The following KCNQ4 variants were observed in gnomAD, a reference collection of about 807,000 sequenced individuals.
The protein encoded by KCNQ4 is potassium voltage-gated channel subfamily KQT member 4.
In KCNQ4, 31 loss-of-function variants were observed where a neutral mutation model predicts 72.6. The ratio of observed to expected loss-of-function variants is 0.43; its 90% CI spans 0.32 to 0.58. The LOEUF is 0.58. Ranked by LOEUF, KCNQ4 falls within the 20% of genes least tolerant of loss-of-function variation. The pLI, the probability that KCNQ4 is intolerant of heterozygous loss-of-function variation, is 0.08. For missense variants in KCNQ4, 869 were observed against 962.6 expected (o/e 0.90, Z 1.29); for synonymous variants, 405 against 403.7 (o/e 1.00, Z -0.04).
At chr1:40,824,612 C>G (rs1004619961) in intron 9 of KCNQ4, among the ~76,000 whole-genome samples, 2 of 152,226 alleles carry the variant, frequency 1.3e-5, no homozygotes, top group African/African-American at 4.8e-5. Flanking sequence ...GGAAGCTGGA[C>G]AGAGGAGGAG....
At chr1:40,809,494 A>G (rs544392918) in intron 1 of KCNQ4, among the ~76,000 whole-genome samples, 137 of 152,206 alleles carry the variant, frequency 9.0e-4, no homozygotes, top group African/African-American at 3.2e-3. Context: ...TGGCACCTTC[A>G]TCCATCCAAT....
chr1:40,805,978 A>C (rs1026105904), intron 1 of KCNQ4, among the ~76,000 whole-genome samples: 8 of 151,942 alleles, frequency 5.3e-5, no homozygotes, highest in African/African-American at 1.7e-4. Context: ...AGTAGCTGGG[A>C]CTACAGGCGC....
chr1:40,823,281 C>T (rs1018907211), intron 8 of KCNQ4, among the ~76,000 whole-genome samples: 1 of 152,182 alleles, frequency 6.6e-6, no homozygotes, highest in Non-Finnish European at 1.5e-5. Flanking sequence ...ACTGGTGCCC[C>T]CACATCTCTC....
chr1:40,822,913 A>G (rs113941488), intron 8 of KCNQ4, among the ~76,000 whole-genome samples: 1 of 152,170 alleles, frequency 6.6e-6, no homozygotes, highest in African/African-American at 2.4e-5. Context: ...GGTCTGCCCC[A>G]CTGGCCCGGG....
In KCNQ4 at chr1:40,831,248, A is replaced by G. The variant is rs368785566; in HGVS notation, c.1457A>G (p.Asn486Ser). ...AAGGTGCAAAAGAGCTGGAGCTTCA[A>G]TGACCGCACCCGCTTCCGGGCATCT... ...PTKVQKSWSF[N>S]DRTRFRASLR... The change falls in exon 10 of 14, where the codon AAT (asparagine) becomes AGT (serine). Residue 486 changes from asparagine (N) to serine (S), a missense_variant. Physicochemically the swap from Asn to Ser is conservative, Grantham distance 46. Coordinates refer to ENST00000347132, the MANE Select transcript of KCNQ4 (RefSeq NM_004700.4). 80 of 1,609,398 alleles carry G rather than the reference A, an allele frequency of 5.0e-5. No individual in the cohort carries two copies. Among genetic ancestry groups the G allele is most frequent in the Admixed American group, 1.3e-4 (8 of 59,402 alleles).
rs1648698445 is a variant in KCNQ4, at chr1:40,833,058, G to C, written c.1558G>C (p.Glu520Gln). The C allele has an allele frequency of 3.7e-6, 6 of 1,613,338 alleles. No homozygotes were observed. Among genetic ancestry groups the C allele is most frequent in the Non-Finnish European group, 5.1e-6 (6 of 1,179,998 alleles). Residue 520 changes from glutamate (E) to glutamine (Q), a missense_variant, in exon 11 of 14, where the codon GAG becomes CAG. By Grantham distance (29) the Glu-to-Gln change is conservative. This residue lies in a region of KCNQ4 where 480 missense variants were observed against 501.9 expected (regional missense o/e 0.96). Coordinates refer to ENST00000347132, the MANE Select transcript of KCNQ4 (RefSeq NM_004700.4). Reference protein sequence around the residue: ...EVAEEKSYQCELTVDDIMPAV... With the variant: ...EVAEEKSYQCQLTVDDIMPAV... ...AGCAGAGGAGAAGAGCTACCAGTGT[G>C]AGCTCACGGTGGACGACATCATGCC... is the stretch of plus-strand genomic sequence containing the variant.
intron 1 of KCNQ4, among the ~76,000 whole-genome samples, chr1:40,813,770 C>T (rs563184977): frequency 2.2e-4 from 33 of 151,618 alleles, no homozygotes; most frequent in African/African-American, 5.8e-4. Context: ...GTTTTTGAGA[C>T]GGAGTCTCAC....
Position 40,835,018 on chromosome 1 carries a change from G to T in KCNQ4, c.1665G>T (p.Pro555=), listed in dbSNP as rs55964611. ...GGAAATTCAAGGAGACACTGCGACC[G>T]TACGACGTGAAGGACGTCATTGAGC... ...AKRKFKETLR[P]YDVKDVIEQY... is the part of the protein sequence containing the mutation. The change falls in exon 12 of 14, where the codon CCG becomes CCT. Residue 555 remains proline (P), a synonymous_variant. Coordinates refer to ENST00000347132, the MANE Select transcript of KCNQ4 (RefSeq NM_004700.4). 9.3e-6 allele frequency: 15 copies of T among 1,613,972 alleles called. No homozygotes were observed. The Admixed American group carries it at 1.3e-4, about 14-fold the overall frequency.
chr1:40,805,845 T>A (rs1047773290), intron 1 of KCNQ4, among the ~76,000 whole-genome samples: 2 of 141,934 alleles, frequency 1.4e-5, no homozygotes, highest in Non-Finnish European at 3.1e-5. Context: ...TCACATGAAA[T>A]TTTTTTTTTT....
chr1:40,784,373 C>T lies in KCNQ4; in HGVS notation c.280C>T (p.Pro94Ser), dbSNP rs1414906231. Residue 94 changes from proline to serine, a missense_variant, in exon 1 of 14, where the codon CCC becomes TCC. By Grantham distance (74) the Pro-to-Ser change is moderately conservative (BLOSUM62 -1). Coordinates refer to ENST00000347132, the MANE Select transcript of KCNQ4 (RefSeq NM_004700.4). This position sits in a 1 kb window ranked among gnomAD's most constrained non-coding sequence, Gnocchi z 4.1. ...CTGGGTCTACAACGTGCTGGAGCGGCCCCGCGGCTGGGCCTTCGTCTACCA... is the reference window on the plus strand; with the variant it reads ...CTGGGTCTACAACGTGCTGGAGCGGTCCCGCGGCTGGGCCTTCGTCTACCA... Reference protein sequence around the residue: ...QNWVYNVLERPRGWAFVYHVF... With the variant: ...QNWVYNVLERSRGWAFVYHVF... 6.2e-7 allele frequency: 1 copy of T among 1,610,122 alleles called. No homozygotes were observed.
At chr1:40,800,785 C>T (rs1324444613) in intron 1 of KCNQ4, among the ~76,000 whole-genome samples, 2 of 152,202 alleles carry the variant, frequency 1.3e-5, no homozygotes, top group African/African-American at 4.8e-5. Context: ...AACACTCTCC[C>T]TCTTGTAGAA....
At chr1:40,813,669 A>G (rs939159904) in intron 1 of KCNQ4, among the ~76,000 whole-genome samples, 1 of 152,060 alleles carries the variant, frequency 6.6e-6, no homozygotes, top group Non-Finnish European at 1.5e-5. Context: ...CCACATCCTC[A>G]CTCCTGCTAA....
chr1:40,838,276 C>T (rs1336170239), intron 13 of KCNQ4, 35 bp from the exon 14 acceptor site: 2 of 1,600,456 alleles, frequency 1.2e-6, no homozygotes, highest in South Asian at 1.1e-5. Flanking sequence ...CCCTCCGGTC[C>T]CAGGCCCTGC....
intron 1 of KCNQ4, among the ~76,000 whole-genome samples, chr1:40,793,760 C>T (rs1056738507): frequency 6.6e-6 from 1 of 152,202 alleles, no homozygotes; most frequent in African/African-American, 2.4e-5. Flanking sequence ...GCAACTCCCT[C>T]CCCTCTTCTG....
chr1:40,829,023 T>G (rs187902498), intron 9 of KCNQ4, among the ~76,000 whole-genome samples: 211 of 152,378 alleles, frequency 1.4e-3, no homozygotes, highest in African/African-American at 5.0e-3. Context: ...AACTCCTTCC[T>G]CCATAAGTCC....
rs1648894182 is a variant in KCNQ4, at chr1:40,838,850, G to A, written c.*327G>A. 9.1e-6 allele frequency: 4 copies of A among 440,812 alleles called. No individual in the cohort carries two copies. The highest frequency in any genetic ancestry group is 4.6e-5 in the South Asian group (2 of 43,188). 27.3% of individuals were successfully genotyped at this position (440,812 alleles called of 1,614,324 possible). On this transcript the variant is annotated 3_prime_UTR_variant, in exon 14 of 14. Transcript: ENST00000347132. The stretch of plus-strand genomic sequence containing the variant: ...GGGGCACAGCCCCGGGAGTGGGAGC[G>A]GGCGCTGGGGCCCTGGGCCCTGACC...
chr1:40,831,308 A>G lies in KCNQ4; in HGVS notation c.1513+4A>G. 1.3e-6 allele frequency: 2 copies of G among 1,587,400 alleles called. No individual in the cohort carries two copies. The highest frequency in any genetic ancestry group is 1.7e-6 in the Non-Finnish European group (2 of 1,166,784). The stretch of plus-strand genomic sequence containing the variant: ...AAACCCCGCACCTCTGCTGAGGGTA[A>G]GCCCCCGGGGGGCTGAGTCCGATCG... On this transcript the variant is annotated splice_donor_region_variant and intron_variant, in intron 10 of 13. Coordinates refer to ENST00000347132, the MANE Select transcript of KCNQ4 (RefSeq NM_004700.4).
intron 1 of KCNQ4, among the ~76,000 whole-genome samples, chr1:40,815,613 G>A (rs1385679026): frequency 1.3e-5 from 2 of 152,134 alleles, no homozygotes; most frequent in Admixed American, 6.6e-5. Flanking sequence ...AACTGGCCGA[G>A]GAATAAGCTC....
chr1:40,811,846 G>T (rs1647936470), intron 1 of KCNQ4, among the ~76,000 whole-genome samples: 1 of 152,242 alleles, frequency 6.6e-6, no homozygotes, highest in Non-Finnish European at 1.5e-5. Context: ...CCTGTCTGCT[G>T]GGGAGATTAG....
Sources: allele counts gnomAD v4.1 joint callset (sites outside exome capture counted in the v4.1 genomes callset), GRCh38; gene constraint gnomAD v4.1.1; regional missense constraint gnomAD v4.1.1; non-coding constraint Gnocchi (gnomAD v3.1); transcripts MANE v1.5; gene names NCBI Gene and HGNC (gene_info 2026-07-23, HGNC 2026-07-21).